LRBA: variants seen among roughly 807,000 people sequenced by gnomAD.
LRBA encodes the protein LPS responsive beige-like anchor protein.
LRBA carries 176 observed loss-of-function variants against 330.0 expected under a neutral mutation model. That is an observed-to-expected ratio of 0.53 (90% confidence interval 0.47 to 0.60). The LOEUF (loss-of-function observed/expected upper bound fraction) is 0.60. LRBA is among the 20% of genes least tolerant of loss of function. The pLI is 0.00. For missense variants in LRBA, 3,259 were observed against 3,444.8 expected (o/e 0.95, Z 1.35); for synonymous variants, 1,230 against 1,193.0 (o/e 1.03, Z -0.64).
chr4:150,597,909 T>C (rs1163171349), intron 38 of LRBA, among the ~76,000 whole-genome samples: 1 of 152,142 alleles, frequency 6.6e-6, no homozygotes, highest in Non-Finnish European at 1.5e-5. Context: ...ATTCTCTGTA[T>C]GATCATTTAT....
intron 47 of LRBA, among the ~76,000 whole-genome samples, chr4:150,410,022 G>A (rs959417738): frequency 6.6e-6 from 1 of 151,956 alleles, no homozygotes; most frequent in Admixed American, 6.6e-5. Flanking sequence ...TTATCAATAT[G>A]GGAAATGAAA....
intron 46 of LRBA, among the ~76,000 whole-genome samples, chr4:150,424,794 G>A (rs1012885129): frequency 2.0e-5 from 3 of 152,242 alleles, no homozygotes; most frequent in African/African-American, 7.2e-5. Flanking sequence ...CCCCGGCCAT[G>A]AATTGATGTT....
At chr4:150,925,759 T>A (rs1733815674) in intron 4 of LRBA, among the ~76,000 whole-genome samples, 1 of 152,126 alleles carries the variant, frequency 6.6e-6, no homozygotes, top group African/African-American at 2.4e-5. Flanking sequence ...TCTATGCTTA[T>A]GAATATAATA....
chr4:150,328,289 T>A (rs190666456), intron 48 of LRBA, among the ~76,000 whole-genome samples: 1 of 152,312 alleles, frequency 6.6e-6, no homozygotes, highest in East Asian at 1.9e-4. Context: ...GATAACCATT[T>A]ATCTAGGTCA....
intron 2 of LRBA, among the ~76,000 whole-genome samples, chr4:150,973,140 TTGTC>T (rs386357515): frequency 9.9e-5 from 12 of 121,298 alleles, no homozygotes; most frequent in Admixed American, 5.3e-4. Flanking sequence ...ATTAAATATT[TTGTC>T]TGTCTGTTTG....
chr4:150,777,075 G>C (rs1737465276), intron 34 of LRBA, among the ~76,000 whole-genome samples: 1 of 150,186 alleles, frequency 6.7e-6, no homozygotes, highest in African/African-American at 2.5e-5. Context: ...TTTTGTTGTT[G>C]TTGTTGTTGT....
intron 40 of LRBA, among the ~76,000 whole-genome samples, chr4:150,547,493 C>T (rs1324658906): frequency 2.6e-5 from 4 of 152,062 alleles, no homozygotes; most frequent in Non-Finnish European, 4.4e-5. Flanking sequence ...TTGTAGACAG[C>T]GCAAACATCA....
At chr4:150,804,642 G>C (rs781680554) in intron 33 of LRBA, among the ~76,000 whole-genome samples, 1 of 152,152 alleles carries the variant, frequency 6.6e-6, no homozygotes, top group African/African-American at 2.4e-5. Context: ...ATACAGATGG[G>C]AGTGTCATTC....
chr4:150,649,743 A>G (rs1236889022), intron 37 of LRBA, among the ~76,000 whole-genome samples: 1 of 152,188 alleles, frequency 6.6e-6, no homozygotes, highest in Non-Finnish European at 1.5e-5. Context: ...TCTCAATATA[A>G]TTGAGTTACC....
chr4:150,900,914 A>G (rs1219198350), intron 13 of LRBA, among the ~76,000 whole-genome samples: 2 of 152,200 alleles, frequency 1.3e-5, no homozygotes, highest in Non-Finnish European at 2.9e-5. Context: ...AAGAAGTTAT[A>G]TATGTTTATA....
At chr4:150,312,137 ATTGAGTGACCAC>A (rs1280204319) in intron 51 of LRBA, among the ~76,000 whole-genome samples, 1 of 152,120 alleles carries the variant, frequency 6.6e-6, no homozygotes, top group African/African-American at 2.4e-5. Flanking sequence ...ATAATTTTGA[ATTGAGTGACCAC>A]AAAGTACCCA....
At chr4:150,413,256 T>C (rs1352735589) in intron 47 of LRBA, among the ~76,000 whole-genome samples, 1 of 151,986 alleles carries the variant, frequency 6.6e-6, no homozygotes, top group Non-Finnish European at 1.5e-5. Context: ...ATTGTAGGAA[T>C]ACAAAATGGT....
At chr4:150,449,396 G>A (rs1314293601) in intron 44 of LRBA, among the ~76,000 whole-genome samples, 6 of 151,828 alleles carry the variant, frequency 4.0e-5, no homozygotes, top group Non-Finnish European at 8.8e-5. Flanking sequence ...GAGAAAGTCC[G>A]TACCTGAGGA....
At chr4:150,622,793 G>T (rs920511121) in intron 37 of LRBA, among the ~76,000 whole-genome samples, 22 of 149,530 alleles carry the variant, frequency 1.5e-4, no homozygotes, top group Non-Finnish European at 2.2e-4. Flanking sequence ...CGCCTCCTGG[G>T]TTCAGGCCAT....
At chr4:150,969,162 C>G (rs777109760) in intron 2 of LRBA, among the ~76,000 whole-genome samples, 2 of 152,218 alleles carry the variant, frequency 1.3e-5, no homozygotes, top group African/African-American at 2.4e-5. Flanking sequence ...CAAGGAGATT[C>G]ACGTTGTTTT....
intron 34 of LRBA, among the ~76,000 whole-genome samples, chr4:150,768,384 G>C (rs538714154): frequency 1.9e-4 from 29 of 152,162 alleles, no homozygotes; most frequent in African/African-American, 7.0e-4. Context: ...GATGCAAGTT[G>C]GCATAAAAAG....
intron 41 of LRBA, among the ~76,000 whole-genome samples, chr4:150,488,369 A>G (rs1194727553): frequency 6.6e-6 from 1 of 151,650 alleles, no homozygotes; most frequent in Non-Finnish European, 1.5e-5. Context: ...CTATATGTTT[A>G]TCTTTCATAT....
intron 40 of LRBA, among the ~76,000 whole-genome samples, chr4:150,533,178 TG>T (rs200895583): frequency 1.5e-4 from 23 of 152,060 alleles, no homozygotes; most frequent in African/African-American, 5.3e-4. Context: ...CATCTTTTTT[TG>T]TTTGTTTGTT....
At chr4:150,666,170 T>A (rs1205174379) in intron 37 of LRBA, among the ~76,000 whole-genome samples, 1 of 152,198 alleles carries the variant, frequency 6.6e-6, no homozygotes, top group Non-Finnish European at 1.5e-5. Context: ...CCTCAGGTTC[T>A]GCATCTGCAG....
Sources: gnomAD v4.1 joint callset for allele counts (sites outside exome capture counted in the v4.1 genomes callset) on GRCh38, gnomAD v4.1.1 for gene constraint, MANE v1.5 for transcripts, NCBI Gene and HGNC (gene_info 2026-07-23, HGNC 2026-07-21) for gene names.